Variants in PLXNA4 observed in about 807,000 individuals in gnomAD.
PLXNA4 encodes the protein plexin-A4.
Under a neutral mutation model 191.8 loss-of-function variants are expected in PLXNA4, and 44 were observed. The ratio of observed to expected loss-of-function variants is 0.23; its 90% CI spans 0.18 to 0.29. The LOEUF (loss-of-function observed/expected upper bound fraction) is 0.29. Among genes scored for constraint, PLXNA4 ranks in the 10% least tolerant of loss-of-function variants. PLXNA4 has a pLI of 1.00. For missense variants in PLXNA4, 1,800 were observed against 2,488.8 expected, an observed-to-expected ratio of 0.72 and a Z score of 5.89; for synonymous variants, 1,082 against 1,009.5, an observed-to-expected ratio of 1.07 and a Z score of -1.36.
intron 3 of PLXNA4, among the ~76,000 whole-genome samples, chr7:132,348,749 G>A (rs1346876028): frequency 6.6e-6 from 1 of 152,230 alleles, no homozygotes; most frequent in South Asian, 2.1e-4. Flanking sequence ...ACACTAATTG[G>A]TTTAGAAGTA....
At chr7:132,424,850 C>A in intron 3 of PLXNA4, among the ~76,000 whole-genome samples, 1 of 152,050 alleles carries the variant, frequency 6.6e-6, no homozygotes, top group East Asian at 1.9e-4. Context: ...GGTTTGGCAG[C>A]TGTCAAATCT....
At chr7:132,209,506 A>T (rs1797728146) in intron 10 of PLXNA4, among the ~76,000 whole-genome samples, 1 of 152,128 alleles carries the variant, frequency 6.6e-6, no homozygotes, top group South Asian at 2.1e-4. Context: ...TTTAATCTGG[A>T]GTGCTGCAGA....
At chr7:132,342,897 A>C (rs1585014268) in intron 3 of PLXNA4, among the ~76,000 whole-genome samples, 1 of 147,778 alleles carries the variant, frequency 6.8e-6, no homozygotes, top group Admixed American at 7.1e-5. Flanking sequence ...CAGTGAGCCA[A>C]GATTGCACCA....
intron 2 of PLXNA4, among the ~76,000 whole-genome samples, chr7:132,494,604 G>A (rs1797932307): frequency 6.6e-6 from 1 of 152,184 alleles, no homozygotes; most frequent in Non-Finnish European, 1.5e-5. Flanking sequence ...GGTGGAGGTG[G>A]TGTGGGGAGC....
intron 4 of PLXNA4, among the ~76,000 whole-genome samples, chr7:132,285,502 T>C (rs1045731125): frequency 9.2e-5 from 14 of 152,202 alleles, no homozygotes; most frequent in Admixed American, 8.5e-4. Flanking sequence ...TCTGAGTCAG[T>C]TTCAAATTGA....
intron 8 of PLXNA4, 50 bp from the exon 9 acceptor site, chr7:132,223,691 A>G (rs1798218928): frequency 6.9e-7 from 1 of 1,459,132 alleles, no homozygotes; most frequent in Non-Finnish European, 9.5e-7. Context: ...GATGAGCCCA[A>G]AGCAGAGGGC....
chr7:132,435,380 C>T (rs1053619009), intron 3 of PLXNA4, among the ~76,000 whole-genome samples: 1 of 152,076 alleles, frequency 6.6e-6, no homozygotes, highest in African/African-American at 2.4e-5. Context: ...TACAGTTGCT[C>T]AGACTGCAGC....
intron 2 of PLXNA4, among the ~76,000 whole-genome samples, chr7:132,489,909 G>A (rs891674017): frequency 2.0e-5 from 3 of 152,202 alleles, no homozygotes; most frequent in Non-Finnish European, 4.4e-5. Flanking sequence ...TACACAAAGA[G>A]GAATGTGGTC....
In PLXNA4 at chr7:132,275,722, C is replaced by T. The variant is rs572818441; in HGVS notation, c.1503+22369G>A. ...GATGGATTCGATGGAAATGAGTCGCCAGCACCTGGGTCTAGCACTCCTCTA... is the reference window on the plus strand; with the variant it reads ...GATGGATTCGATGGAAATGAGTCGCTAGCACCTGGGTCTAGCACTCCTCTA... On this transcript the variant is annotated intron_variant, in intron 4 of 31. Coordinates refer to ENST00000321063, the MANE Select transcript of PLXNA4 (RefSeq NM_020911.2). 2.6e-5 allele frequency among the ~76,000 whole-genome samples: 4 copies of T among 152,326 alleles called. No individual in the cohort carries two copies. In the South Asian group the frequency reaches 8.3e-4, roughly 32 times the overall value.
At chr7:132,148,110 G>A in intron 26 of PLXNA4, 111 bp from the exon 27 acceptor site, 2 of 1,514,778 alleles carry the variant, frequency 1.3e-6, no homozygotes, top group South Asian at 1.2e-5. Context: ...CCTTGCTGGA[G>A]AACTAGGGGA....
rs200153876 is a variant in PLXNA4, at chr7:132,595,018, T to TAGACAGAC, written c.-87+50902_-87+50909dup. Among the ~76,000 whole-genome samples the TAGACAGAC allele has an allele frequency of 8.4e-3, 264 of 31,484 alleles. 2 individuals carry two copies. The highest frequency in any genetic ancestry group is 0.016 in the Non-Finnish European group (137 of 8,724). 20.7% of individuals were successfully genotyped at this position (31,484 alleles called of 152,430 possible). Reference sequence around the variant, plus strand: ...ATAGATAGATAGATAGATAGATAGATAGACAGACAGACAGACAGACAGACA... The same window carrying TAGACAGAC: ...ATAGATAGATAGATAGATAGATAGATAGACAGACAGACAGACAGACAGACAGACAGACA... On this transcript the variant is annotated intron_variant, in intron 2 of 4. Coordinates refer to the PLXNA4 transcript ENST00000378539.
At chr7:132,222,838 A>T (rs1798191612) in intron 9 of PLXNA4, among the ~76,000 whole-genome samples, 1 of 152,244 alleles carries the variant, frequency 6.6e-6, no homozygotes, top group African/African-American at 2.4e-5. Flanking sequence ...TAGAAAAGTC[A>T]CATTTTAGCC....
Position 132,130,348 on chromosome 7 carries a change from A to C in PLXNA4, c.*131T>G. 7.9e-7 allele frequency: 1 copy of C among 1,264,832 alleles called. No homozygotes were observed. The highest frequency in any genetic ancestry group is 1.1e-6 in the Non-Finnish European group (1 of 898,420). 78.4% of individuals were successfully genotyped at this position (1,264,832 alleles called of 1,614,324 possible). A position where few individuals can be genotyped will look rare whatever the true frequency, so the allele number is the denominator to read the frequency against. The stretch of plus-strand genomic sequence containing the variant: ...GAGAAACGGAAAGAGGCAGAGAGAA[A>C]GAGAGAGAAACAGCGCTGCTCAGGG... On this transcript the variant is annotated 3_prime_UTR_variant, in exon 32 of 32. Transcript: ENST00000321063.
At chr7:132,132,930 G>T in intron 31 of PLXNA4, 119 bp downstream of exon 31, 1 of 1,428,916 alleles carries the variant, frequency 7.0e-7, no homozygotes, top group Non-Finnish European at 9.3e-7. Flanking sequence ...CTCAGTGGTG[G>T]TTCCCCCAGC....
upstream of PLXNA4, among the ~76,000 whole-genome samples, chr7:132,580,564 G>A (rs1187542603): frequency 6.6e-6 from 1 of 152,206 alleles, no homozygotes; most frequent in African/African-American, 2.4e-5. Context: ...ATGTCTGTGG[G>A]ACTTGGGTTG....
At chr7:132,562,301 TCTCCTCTTC>T (rs1217752236) in intron 1 of PLXNA4, among the ~76,000 whole-genome samples, 13 of 75,124 alleles carry the variant, frequency 1.7e-4, no homozygotes, top group South Asian at 5.6e-4. Context: ...TTCTCCTCCT[TCTCCTCTTC>T]CTCCTCTTCC....
At chr7:132,398,957 G>T (rs769303312) in intron 3 of PLXNA4, among the ~76,000 whole-genome samples, 4 of 152,128 alleles carry the variant, frequency 2.6e-5, no homozygotes, top group Admixed American at 1.3e-4. Context: ...TGGCCTTTGT[G>T]GCTGCCACCT....
intron 4 of PLXNA4, among the ~76,000 whole-genome samples, chr7:132,246,580 C>T (rs1423333710): frequency 6.6e-6 from 1 of 152,166 alleles, no homozygotes; most frequent in East Asian, 1.9e-4. Flanking sequence ...TTTTCATTCA[C>T]AGTTATGGCC....
In PLXNA4 at chr7:132,388,780, TGAGCTCAAGCCTGG is replaced by T. The variant is rs555420261; in HGVS notation, c.1372-90572_1372-90559del. ...TTGGGTTGTAGAATTCAGGGTGGGA[TGAGCTCAAGCCTGG>T]GGCTCATGCCAGCCCTCCCTTCCAA... On this transcript the variant is annotated intron_variant, in intron 3 of 31. Coordinates refer to ENST00000321063, the MANE Select transcript of PLXNA4 (RefSeq NM_020911.2). Among the ~76,000 whole-genome samples, 1,103 of 152,316 alleles carry T rather than the reference TGAGCTCAAGCCTGG, an allele frequency of 7.2e-3. 17 individuals carry two copies. The highest frequency in any genetic ancestry group is 0.025 in the African/African-American group (1,058 of 41,578).
Sources: allele counts gnomAD v4.1 joint callset (sites outside exome capture counted in the v4.1 genomes callset), GRCh38; gene constraint gnomAD v4.1.1; transcripts MANE v1.5; gene names NCBI Gene and HGNC (gene_info 2026-07-23, HGNC 2026-07-21).